RAD51B: variants seen among roughly 807,000 people sequenced by gnomAD.
RAD51B encodes the protein RAD51 paralog B.
A neutral mutation model predicts 42.2 loss-of-function variants in RAD51B; 38 were observed. The observed-to-expected ratio is 0.90, with a 90% confidence interval of 0.70 to 1.18. RAD51B has a LOEUF of 1.18. Among genes scored for constraint, RAD51B ranks in the 50% most tolerant of loss-of-function variants. The pLI is 0.00. For missense variants in RAD51B, 373 were observed against 400.7 expected, an observed-to-expected ratio of 0.93 and a Z score of 0.59; for synonymous variants, 154 against 145.2, an observed-to-expected ratio of 1.06 and a Z score of -0.43.
At chr14:68,319,907 C>A (rs544372638) in intron 8 of RAD51B, among the ~76,000 whole-genome samples, 2 of 152,114 alleles carry the variant, frequency 1.3e-5, no homozygotes, top group Non-Finnish European at 2.9e-5. Flanking sequence ...CTTCTAACAA[C>A]CCTATGAGAC....
intron 7 of RAD51B, among the ~76,000 whole-genome samples, chr14:68,152,118 G>A (rs11851367): frequency 0.025 from 3,813 of 151,948 alleles, 124 homozygotes; most frequent in African/African-American, 0.073. Context: ...TGCTGGGATT[G>A]CAGGCGTGAA....
At chr14:68,648,030 T>TAC in intron 10 of RAD51B, among the ~76,000 whole-genome samples, 1 of 104,564 alleles carries the variant, frequency 9.6e-6, no homozygotes, top group Admixed American at 1.0e-4. Flanking sequence ...TACGTATATA[T>TAC]ATATATACAC....
intron 11 of RAD51B, among the ~76,000 whole-genome samples, chr14:68,671,068 C>T (rs975770749): frequency 6.6e-6 from 1 of 152,166 alleles, no homozygotes; most frequent in Admixed American, 6.5e-5. Flanking sequence ...ACGCCTGATC[C>T]AGTCTCTTCC....
intron 7 of RAD51B, among the ~76,000 whole-genome samples, chr14:68,033,293 A>G (rs981328293): frequency 3.9e-5 from 6 of 152,252 alleles, no homozygotes; most frequent in African/African-American, 1.2e-4. Flanking sequence ...TTCTTTAAAC[A>G]TAAGTAAATG....
chr14:68,237,732 C>CTTTTTTTTT (rs57490316), intron 7 of RAD51B, among the ~76,000 whole-genome samples: 1 of 74,096 alleles, frequency 1.3e-5, no homozygotes, highest in African/African-American at 5.2e-5. Flanking sequence ...TTTCATTTCT[C>CTTTTTTTTT]TTTTTTTTTT....
intron 3 of RAD51B, among the ~76,000 whole-genome samples, chr14:67,831,805 A>G (rs1157289096): frequency 6.6e-6 from 1 of 152,260 alleles, no homozygotes; most frequent in East Asian, 1.9e-4. Flanking sequence ...CGGCCTCCCA[A>G]AATGCTGGGA....
intron 8 of RAD51B, among the ~76,000 whole-genome samples, chr14:68,297,339 A>C (rs1043134559): frequency 2.0e-5 from 3 of 152,202 alleles, no homozygotes; most frequent in Admixed American, 2.0e-4. Flanking sequence ...TGCTATGATC[A>C]ATGGTTTCTT....
chr14:68,393,480 G>A (rs1315756238), intron 8 of RAD51B, among the ~76,000 whole-genome samples: 2 of 152,160 alleles, frequency 1.3e-5, no homozygotes, highest in Middle Eastern at 3.2e-3. Flanking sequence ...GGGTAATTTC[G>A]CTTAGGAGCT....
At chr14:68,444,419 A>G (rs558499823) in intron 9 of RAD51B, among the ~76,000 whole-genome samples, 1 of 150,298 alleles carries the variant, frequency 6.7e-6, no homozygotes, top group East Asian at 2.0e-4. Context: ...AGCAAATTCC[A>G]CAGGTGGAAA....
intron 7 of RAD51B, chr14:68,129,927 G>A (rs1170204098): frequency 2.0e-5 from 3 of 152,190 alleles, no homozygotes; most frequent in Non-Finnish European, 4.4e-5. Context: ...TTCTACTGCG[G>A]TGTAACCACA....
chr14:68,444,168 G>C (rs924542587), intron 9 of RAD51B, among the ~76,000 whole-genome samples: 1 of 152,184 alleles, frequency 6.6e-6, no homozygotes, highest in Non-Finnish European at 1.5e-5. Flanking sequence ...CTGCCTCCCT[G>C]TCATGCCAGC....
intron 7 of RAD51B, among the ~76,000 whole-genome samples, chr14:68,266,097 G>T (rs1480774219): frequency 3.9e-5 from 6 of 152,180 alleles, no homozygotes; most frequent in Non-Finnish European, 8.8e-5. Flanking sequence ...TGCACTGTTG[G>T]GGGTAGGCTT....
At chr14:67,822,595 C>T (rs1339125325) in intron 1 of RAD51B, among the ~76,000 whole-genome samples, 1 of 151,782 alleles carries the variant, frequency 6.6e-6, no homozygotes, top group Non-Finnish European at 1.5e-5. Flanking sequence ...TGGTGGTGCA[C>T]GCTTGTGGTC....
At chr14:68,406,825 T>G (rs1162756700) in intron 8 of RAD51B, among the ~76,000 whole-genome samples, 1 of 152,224 alleles carries the variant, frequency 6.6e-6, no homozygotes, top group Admixed American at 6.5e-5. Flanking sequence ...TATAATCTTA[T>G]TTCTGTTTTT....
intron 7 of RAD51B, among the ~76,000 whole-genome samples, chr14:68,187,323 G>C (rs1367885046): frequency 6.6e-6 from 1 of 151,772 alleles, no homozygotes; most frequent in Non-Finnish European, 1.5e-5. Context: ...ATATATCCAG[G>C]TAACAAACTT....
Position 68,538,627 on chromosome 14 carries a change from C to G in RAD51B, c.1037-55858C>G, listed in dbSNP as rs576429182. Among the ~76,000 whole-genome samples the G allele has an allele frequency of 2.7e-5, 4 of 150,016 alleles. No individual in the cohort carries two copies. In the East Asian group the frequency reaches 7.8e-4, roughly 29 times the overall value. On this transcript the variant is annotated intron_variant, in intron 10 of 10. Transcript: ENST00000487270. ...AACATAGTTTGTTTGGCTAGCACAC[C>G]GCTTTTTTTTTTTTTCTTTTTTAAC... is the stretch of plus-strand genomic sequence containing the variant.
intron 10 of RAD51B, among the ~76,000 whole-genome samples, chr14:68,564,459 C>T (rs1594977849): frequency 6.6e-6 from 1 of 152,112 alleles, no homozygotes; most frequent in Admixed American, 6.5e-5. Context: ...CAGCAGGGGA[C>T]GGGCTTGTGA....
chr14:67,863,386 G>T (rs973064894), intron 4 of RAD51B, among the ~76,000 whole-genome samples: 5 of 152,026 alleles, frequency 3.3e-5, no homozygotes, highest in African/African-American at 1.2e-4. Flanking sequence ...ACTTACTAGC[G>T]ATGTAAATTC....
intron 8 of RAD51B, among the ~76,000 whole-genome samples, chr14:68,372,132 C>T (rs1224921302): frequency 6.6e-6 from 1 of 152,178 alleles, no homozygotes; most frequent in Middle Eastern, 3.2e-3. Flanking sequence ...AGGTCCAGTG[C>T]TGCTAAGAGG....
Sources: gnomAD v4.1 joint callset for allele counts (sites outside exome capture counted in the v4.1 genomes callset) on GRCh38, gnomAD v4.1.1 for gene constraint, MANE v1.5 for transcripts, NCBI Gene and HGNC (gene_info 2026-07-23, HGNC 2026-07-21) for gene names.